The following CNTN1 variants were observed in gnomAD, a reference collection of about 807,000 sequenced individuals.
The protein encoded by CNTN1 is contactin 1, also known as contactin-1.
In CNTN1, 38 loss-of-function variants were observed where a neutral mutation model predicts 126.4. The ratio of observed to expected loss-of-function variants is 0.30; its 90% CI spans 0.23 to 0.39. The LOEUF is 0.39. Ranked by LOEUF, CNTN1 falls within the 10% of genes least tolerant of loss-of-function variation. CNTN1 has a pLI of 1.00. For synonymous variants in CNTN1, 413 were observed against 422.6 expected (o/e 0.98, Z 0.28); for missense variants, 1,009 against 1,248.4 (o/e 0.81, Z 2.89).
chr12:41,014,101 A>G (rs2120726856), intron 17 of CNTN1, 127 bp from the exon 18 acceptor site: 3 of 773,306 alleles, frequency 3.9e-6, no homozygotes, highest in East Asian at 5.4e-5. Flanking sequence ...TCATTTGTCC[A>G]GTATGTTTTT....
chr12:40,866,917 A>T (rs1943316882), intron 1 of CNTN1, among the ~76,000 whole-genome samples: 1 of 152,134 alleles, frequency 6.6e-6, no homozygotes, highest in African/African-American at 2.4e-5. Flanking sequence ...TAACTTTGTG[A>T]AGTCTTTCTG....
intron 20 of CNTN1, among the ~76,000 whole-genome samples, chr12:41,021,882 T>C (rs1948921813): frequency 6.6e-6 from 1 of 152,118 alleles, no homozygotes; most frequent in Admixed American, 6.5e-5. Context: ...GAGGTATCTT[T>C]GGGAGAAGAC....
At chr12:41,065,155 A>T (rs956029812) in intron 23 of CNTN1, among the ~76,000 whole-genome samples, 6 of 152,176 alleles carry the variant, frequency 3.9e-5, no homozygotes, top group African/African-American at 1.4e-4. Flanking sequence ...TCCCGGGTTC[A>T]CGCCATTCTC....
At chr12:40,968,228 A>G (rs1393791739) in intron 15 of CNTN1, among the ~76,000 whole-genome samples, 4 of 152,178 alleles carry the variant, frequency 2.6e-5, no homozygotes, top group Non-Finnish European at 5.9e-5. Context: ...TAATTCAAAT[A>G]TATTCAATGT....
intron 1 of CNTN1, among the ~76,000 whole-genome samples, chr12:40,906,619 A>T (rs2136798772): frequency 6.6e-6 from 1 of 151,130 alleles, no homozygotes; most frequent in African/African-American, 2.4e-5. Context: ...GACTATATTT[A>T]TACGTTGAAC....
chr12:40,729,801 A>G lies in CNTN1; in HGVS notation c.-77+37209A>G, dbSNP rs146280230. Reference sequence around the variant, plus strand: ...GAAGGTTGGACTGCAGTGAGGAGACAGCTCGGTTCCACTATTCCTTGCTGG... The same window carrying G: ...GAAGGTTGGACTGCAGTGAGGAGACGGCTCGGTTCCACTATTCCTTGCTGG... On this transcript the variant is annotated intron_variant, in intron 1 of 23. Coordinates refer to ENST00000551295, the MANE Select transcript of CNTN1 (RefSeq NM_001843.4). The G allele has an allele frequency of 2.0e-3, 406 of 206,156 alleles. 3 individuals carry two copies. Among genetic ancestry groups the G allele is most frequent in the Admixed American group, 0.014 (297 of 21,756 alleles). The allele number at this position is 206,156 out of a possible 1,614,324, so 12.8% of individuals were successfully genotyped here. A position where few individuals can be genotyped will look rare whatever the true frequency, so the allele number is the denominator to read the frequency against.
intron 14 of CNTN1, among the ~76,000 whole-genome samples, chr12:40,955,937 G>A (rs1361298902): frequency 2.6e-5 from 4 of 152,038 alleles, no homozygotes; most frequent in African/African-American, 9.7e-5. Flanking sequence ...AGAACACATA[G>A]CAAAGTATAC....
At chr12:40,739,403 G>C (rs113527600) in intron 1 of CNTN1, among the ~76,000 whole-genome samples, 1 of 152,024 alleles carries the variant, frequency 6.6e-6, no homozygotes, top group African/African-American at 2.4e-5. Context: ...AATGTGCAGC[G>C]TTTTGAAATG....
intron 1 of CNTN1, among the ~76,000 whole-genome samples, chr12:40,899,013 G>A (rs1388422698): frequency 6.6e-6 from 1 of 152,172 alleles, no homozygotes; most frequent in Non-Finnish European, 1.5e-5. Flanking sequence ...TCTCCACAGT[G>A]GAGTAAGGCC....
At chr12:40,877,607 A>G (rs1204510357) in intron 1 of CNTN1, among the ~76,000 whole-genome samples, 1 of 152,208 alleles carries the variant, frequency 6.6e-6, no homozygotes, top group Non-Finnish European at 1.5e-5. Context: ...AGTTTCTCCT[A>G]TGTAACAGTC....
At chr12:40,836,343 AATG>A (rs1457131246) in intron 1 of CNTN1, among the ~76,000 whole-genome samples, 2 of 150,680 alleles carry the variant, frequency 1.3e-5, no homozygotes, top group East Asian at 3.9e-4. Flanking sequence ...TAATAGATGC[AATG>A]ATATTATATT....
At chr12:40,984,118 AAT>A (rs1947893645) in intron 16 of CNTN1, among the ~76,000 whole-genome samples, 1 of 150,850 alleles carries the variant, frequency 6.6e-6, no homozygotes, top group Non-Finnish European at 1.5e-5. Context: ...AATATATATA[AAT>A]ATATATATTA....
chr12:40,744,608 A>G lies in CNTN1; in HGVS notation c.-77+52016A>G, dbSNP rs539013691. The stretch of plus-strand genomic sequence containing the variant: ...TATCTTTCAGTTGATATTAGAATAC[A>G]TAGGACTGAAACTTAGAATAGAAGT... On this transcript the variant is annotated intron_variant, in intron 1 of 23. Coordinates refer to ENST00000551295, the MANE Select transcript of CNTN1 (RefSeq NM_001843.4). 1.1e-4 allele frequency among the ~76,000 whole-genome samples: 16 copies of G among 152,262 alleles called. No individual in the cohort carries two copies. The East Asian group carries it at 2.9e-3, about 28-fold the overall frequency.
chr12:41,052,873 C>A (rs148192645), intron 23 of CNTN1, among the ~76,000 whole-genome samples: 1 of 151,732 alleles, frequency 6.6e-6, no homozygotes, highest in African/African-American at 2.4e-5. Context: ...AAAAAGAATT[C>A]TTGAAATATT....
intron 14 of CNTN1, among the ~76,000 whole-genome samples, chr12:40,949,871 C>T (rs1027640482): frequency 1.3e-5 from 2 of 151,934 alleles, no homozygotes; most frequent in Admixed American, 6.6e-5. Flanking sequence ...CCACCGCACC[C>T]GGCCTCTATT....
chr12:40,896,636 G>A (rs955645088), intron 1 of CNTN1, among the ~76,000 whole-genome samples: 1 of 152,096 alleles, frequency 6.6e-6, no homozygotes, highest in Non-Finnish European at 1.5e-5. Context: ...ACCAAATTTC[G>A]ACAAAGAAAA....
intron 14 of CNTN1, among the ~76,000 whole-genome samples, chr12:40,954,961 T>C (rs1340999671): frequency 6.6e-6 from 1 of 152,060 alleles, no homozygotes; most frequent in Non-Finnish European, 1.5e-5. Flanking sequence ...ATGGACTCAT[T>C]GCTCACATGG....
chr12:40,951,172 C>A (rs1467063771), intron 14 of CNTN1, among the ~76,000 whole-genome samples: 1 of 151,958 alleles, frequency 6.6e-6, no homozygotes, highest in African/African-American at 2.4e-5. Flanking sequence ...TAGGAGAAAC[C>A]TCAAAGAAAA....
intron 19 of CNTN1, 49 bp from the exon 20 acceptor site, chr12:41,020,288 T>C (rs1226056456): frequency 8.2e-7 from 1 of 1,218,484 alleles, no homozygotes; most frequent in East Asian, 2.3e-5. Context: ...TTCGAATTTC[T>C]TAAATGTAAA....
Sources: gnomAD v4.1 joint callset for allele counts (sites outside exome capture counted in the v4.1 genomes callset) on GRCh38, gnomAD v4.1.1 for gene constraint, MANE v1.5 for transcripts, NCBI Gene and HGNC (gene_info 2026-07-23, HGNC 2026-07-21) for gene names.